Variants in MAGED1 observed in about 807,000 individuals in gnomAD.
MAGED1 encodes melanoma-associated antigen D1.
Under a neutral mutation model 54.1 loss-of-function variants are expected in MAGED1, and 3 were observed. That is an observed-to-expected ratio of 0.06 (90% confidence interval 0.03 to 0.14). The LOEUF (loss-of-function observed/expected upper bound fraction) is 0.14, where lower values mean the gene tolerates loss of function less well. Ranked by LOEUF, MAGED1 falls within the 10% of genes least tolerant of loss-of-function variation. MAGED1 has a pLI of 1.00. For synonymous variants in MAGED1, 217 were observed against 227.3 expected (o/e 0.95, Z 0.41); for missense variants, 485 against 623.4 (o/e 0.78, Z 2.36).
At chrX:51,820,671 G>A (rs1557356456) in intron 1 of MAGED1, among the ~76,000 whole-genome samples, 1 of 111,621 alleles carries the variant, frequency 9.0e-6, no homozygotes, top group Non-Finnish European at 1.9e-5. Flanking sequence ...ACAGTGTGAT[G>A]TTTCAATAGA....
chrX:51,825,051 C>T (rs1197681306), intron 1 of MAGED1, among the ~76,000 whole-genome samples: 1 of 110,214 alleles, frequency 9.1e-6, no homozygotes, highest in Admixed American at 9.8e-5. Flanking sequence ...GATTTAGGGG[C>T]TTATCAAAGA....
intron 1 of MAGED1, among the ~76,000 whole-genome samples, chrX:51,886,348 A>G (rs1928233749): frequency 9.0e-6 from 1 of 111,295 alleles, no homozygotes; most frequent in African/African-American, 3.3e-5. Context: ...CCCTGATGAG[A>G]TCATTATACA....
chrX:51,900,967 A>G (rs1018078044), intron 11 of MAGED1, among the ~76,000 whole-genome samples: 5 of 112,401 alleles, frequency 4.4e-5, no homozygotes, highest in Non-Finnish European at 9.4e-5. Flanking sequence ...AATAAAAAAT[A>G]TACATATTTA....
Position 51,809,864 on chromosome X carries a change from T to C in MAGED1, c.-37+6747T>C, listed in dbSNP as rs781897140. On this transcript the variant is annotated intron_variant, in intron 1 of 12. Transcript: ENST00000375772. ...ATTTAATTCTTTCAATCTTTCTGCA[T>C]TATTAACTGGAATTACTTTATAAAG... Among the ~76,000 whole-genome samples the C allele has an allele frequency of 1.2e-3, 130 of 111,717 alleles. 1 individual carries two copies. In the Middle Eastern group the frequency reaches 0.014, roughly 12 times the overall value.
At chrX:51,833,427 T>A (rs1926138957) in intron 1 of MAGED1, among the ~76,000 whole-genome samples, 1 of 111,118 alleles carries the variant, frequency 9.0e-6, no homozygotes, top group Non-Finnish European at 1.9e-5. Context: ...GCTGAATCAA[T>A]TTTTTTTACA....
At chrX:51,825,774 T>C (rs1033875435) in intron 1 of MAGED1, among the ~76,000 whole-genome samples, 1 of 112,026 alleles carries the variant, frequency 8.9e-6, no homozygotes, top group Non-Finnish European at 1.9e-5. Context: ...TACATGCAGA[T>C]GGTCTTCTAT....
intron 1 of MAGED1, among the ~76,000 whole-genome samples, chrX:51,887,362 C>G (rs2147007799): frequency 9.0e-6 from 1 of 110,744 alleles, no homozygotes; most frequent in East Asian, 2.8e-4. Context: ...TATGGAAAGA[C>G]AAAAGAACCA....
chrX:51,892,269 G>T (rs1411254665), upstream of MAGED1, among the ~76,000 whole-genome samples: 7 of 112,656 alleles, frequency 6.2e-5, no homozygotes, highest in Non-Finnish European at 1.1e-4. Context: ...ATTCCACTTT[G>T]CACATTGAGA....
chrX:51,804,691 C>G (rs909174418), intron 1 of MAGED1, among the ~76,000 whole-genome samples: 4 of 107,596 alleles, frequency 3.7e-5, no homozygotes, highest in African/African-American at 1.4e-4. Context: ...ATGAACGAAA[C>G]AAAAAAATAC....
intron 1 of MAGED1, among the ~76,000 whole-genome samples, chrX:51,873,730 A>G (rs2146997463): frequency 9.0e-6 from 1 of 111,049 alleles, no homozygotes; most frequent in South Asian, 3.9e-4. Flanking sequence ...GTCCCCTTAT[A>G]TATTTTTTTG....
chrX:51,878,593 T>C (rs1927955184), intron 1 of MAGED1, among the ~76,000 whole-genome samples: 1 of 111,380 alleles, frequency 9.0e-6, no homozygotes, highest in African/African-American at 3.3e-5. Context: ...GCACCAGAAA[T>C]CCAGCCAACT....
At chrX:51,811,302 A>C (rs1429656443) in intron 1 of MAGED1, among the ~76,000 whole-genome samples, 1 of 112,126 alleles carries the variant, frequency 8.9e-6, no homozygotes, top group Non-Finnish European at 1.9e-5. Flanking sequence ...CTCACAAGGC[A>C]AAGTTGTTCC....
At chrX:51,834,869 A>G (rs1557357788) in intron 1 of MAGED1, among the ~76,000 whole-genome samples, 1 of 111,963 alleles carries the variant, frequency 8.9e-6, no homozygotes, top group Non-Finnish European at 1.9e-5. Flanking sequence ...GCTCTTCTAA[A>G]TGTTCTAAAA....
intron 1 of MAGED1, among the ~76,000 whole-genome samples, chrX:51,881,518 C>T (rs782320048): frequency 4.6e-5 from 5 of 109,577 alleles, no homozygotes; most frequent in Admixed American, 9.7e-5. Context: ...TGGGTAGAAG[C>T]GATATTCCTG....
chrX:51,890,026 C>A (rs1042344524), upstream of MAGED1, among the ~76,000 whole-genome samples: 5 of 112,441 alleles, frequency 4.4e-5, no homozygotes, highest in Non-Finnish European at 7.5e-5. Flanking sequence ...GTGGCCTTGG[C>A]CCACACTGGA....
At chrX:51,835,437 A>G (rs781803365) in intron 1 of MAGED1, among the ~76,000 whole-genome samples, 5 of 111,095 alleles carry the variant, frequency 4.5e-5, no homozygotes, top group Non-Finnish European at 9.4e-5. Flanking sequence ...TATGGAATGT[A>G]TATTGCTTTT....
intron 1 of MAGED1, among the ~76,000 whole-genome samples, chrX:51,826,115 A>G (rs1925842837): frequency 9.0e-6 from 1 of 111,685 alleles, no homozygotes; most frequent in Non-Finnish European, 1.9e-5. Context: ...AATGCCGCAG[A>G]CTCTCCTTGT....
chrX:51,830,911 G>T (rs1602221307), intron 1 of MAGED1, among the ~76,000 whole-genome samples: 1 of 111,732 alleles, frequency 8.9e-6, no homozygotes, highest in African/African-American at 3.2e-5. Context: ...CACCAGGCTG[G>T]AGTGCAGTGG....
chrX:51,860,453 G>A (rs1557360555), intron 1 of MAGED1, among the ~76,000 whole-genome samples: 1 of 111,300 alleles, frequency 9.0e-6, no homozygotes, highest in Non-Finnish European at 1.9e-5. Context: ...GGGGACTGAC[G>A]GAGAAGAAGG....
Sources: gnomAD v4.1 joint callset for allele counts (sites outside exome capture counted in the v4.1 genomes callset) on GRCh38, gnomAD v4.1.1 for gene constraint, MANE v1.5 for transcripts, NCBI Gene and HGNC (gene_info 2026-07-23, HGNC 2026-07-21) for gene names.